SEC24A: variants seen among roughly 807,000 people sequenced by gnomAD.
The protein encoded by SEC24A is protein transport protein Sec24A.
Under a neutral mutation model 129.4 loss-of-function variants are expected in SEC24A, and 93 were observed. That is an observed-to-expected ratio of 0.72 (90% CI 0.61 to 0.85). The LOEUF (loss-of-function observed/expected upper bound fraction) is 0.85. SEC24A is among the 40% of genes least tolerant of loss of function. SEC24A has a pLI of 0.00. For synonymous variants in SEC24A, 460 were observed against 467.3 expected (o/e 0.98, Z 0.20); for missense variants, 1,264 against 1,307.4 (o/e 0.97, Z 0.51).
intron 15 of SEC24A, among the ~76,000 whole-genome samples, chr5:134,703,315 T>C (rs1035941212): frequency 2.6e-5 from 4 of 152,072 alleles, no homozygotes; most frequent in Admixed American, 2.0e-4. Context: ...TCGCCCAGGC[T>C]GGAGTGCAGT....
At chr5:134,680,386 G>T (rs2150086696) in intron 8 of SEC24A, among the ~76,000 whole-genome samples, 1 of 152,298 alleles carries the variant, frequency 6.6e-6, no homozygotes, top group African/African-American at 2.4e-5. Context: ...AGGCTTGAGT[G>T]CAGTGGCACG....
rs575069265 is a variant in SEC24A at position 134,710,762 on chromosome 5, A to C, written c.2727+1874A>C. ...AAGGAAAACTCTGGTCTGGTGGAGT[A>C]GGCTTATTTATCCAGTGTCCAAAAT... is the stretch of plus-strand genomic sequence containing the variant. On this transcript the variant is annotated intron_variant, in intron 18 of 22. Transcript: ENST00000398844. 3.3e-5 allele frequency among the ~76,000 whole-genome samples: 5 copies of C among 152,278 alleles called. No individual in the cohort carries two copies. In the South Asian group the frequency reaches 1.0e-3, roughly 32 times the overall value.
intron 13 of SEC24A, 73 bp from the exon 14 acceptor site, chr5:134,697,053 G>A: frequency 1.2e-6 from 1 of 836,550 alleles, no homozygotes; most frequent in Non-Finnish European, 1.9e-6. Flanking sequence ...CATGATGTAT[G>A]TAGATGTGTA....
In SEC24A at chr5:134,718,130, A is replaced by C. The variant is rs1159299823; in HGVS notation, c.2927A>C (p.Glu976Ala). ...CCCCCCATTCTTCAGCTTTCAGTGGAGAAGCTGAGCAGAGATGGAGCTTTC... is the reference window on the plus strand; with the variant it reads ...CCCCCCATTCTTCAGCTTTCAGTGGCGAAGCTGAGCAGAGATGGAGCTTTC... The part of the protein sequence containing the change: ...PQPPILQLSV[E>A]KLSRDGAFLM... Residue 976 changes from glutamate to alanine, a missense_variant, in exon 20 of 23, where the codon GAG (glutamate) becomes GCG (alanine). Glu to Ala is a moderately radical substitution (Grantham distance 107, BLOSUM62 -1). Transcript: ENST00000398844. 2.5e-6 allele frequency: 4 copies of C among 1,614,116 alleles called. No individual in the cohort carries two copies. Among genetic ancestry groups the C allele is most frequent in the Non-Finnish European group, 3.4e-6 (4 of 1,179,984 alleles).
At chr5:134,693,320 A>G (rs1016536300) in intron 12 of SEC24A, 2 of 1,385,602 alleles carry the variant, frequency 1.4e-6, no homozygotes, top group African/African-American at 2.9e-5. Context: ...CTAGTTGGCA[A>G]AGTTACTGGA....
rs1750677130 is a variant in SEC24A at position 134,666,825 on chromosome 5, C to G, written c.568C>G (p.Pro190Ala). ...GTGAAAAACCAATGTTTCCATAGGT[C>G]CTTCTGTACCTCCCTTAGTGAATCC... ...SLQNSFIKSG[P>A]SVPPLVNPPL... The change falls in exon 3 of 23, where the codon CCT (proline) becomes GCT (alanine). Residue 190 changes from proline (P) to alanine (A), a missense_variant and splice_region_variant. By Grantham distance (27) the Pro-to-Ala change is conservative. Transcript: ENST00000398844. 1.9e-6 allele frequency: 3 copies of G among 1,613,902 alleles called. No homozygotes were observed. Among genetic ancestry groups the G allele is most frequent in the African/African-American group, 2.7e-5 (2 of 74,998 alleles).
chr5:134,673,150 G>A (rs1437782755), intron 4 of SEC24A, among the ~76,000 whole-genome samples: 1 of 148,324 alleles, frequency 6.7e-6, no homozygotes, highest in African/African-American at 2.5e-5. Context: ...CCAACTCCCT[G>A]GTTCAAGCGA....
chr5:134,667,036 G>C (rs1750686348), intron 3 of SEC24A, 40 bp downstream of exon 3: 1 of 1,484,254 alleles, frequency 6.7e-7, no homozygotes, highest in Admixed American at 2.4e-5. Context: ...CTCAAGTTTT[G>C]ACTTAGGGTA....
At chr5:134,724,292 T>C (rs574589029) in intron 22 of SEC24A, among the ~76,000 whole-genome samples, 71 of 152,310 alleles carry the variant, frequency 4.7e-4, no homozygotes, top group African/African-American at 1.6e-3. Context: ...TTTCCTGTTT[T>C]TTAAAGGCTG....
intron 2 of SEC24A, among the ~76,000 whole-genome samples, chr5:134,666,428 A>G (rs992001993): frequency 6.6e-6 from 1 of 152,142 alleles, no homozygotes; most frequent in African/African-American, 2.4e-5. Context: ...ATGGTTTCAC[A>G]TGCCTATAGT....
intron 16 of SEC24A, among the ~76,000 whole-genome samples, chr5:134,704,261 A>T (rs1330445434): frequency 6.6e-6 from 1 of 151,850 alleles, no homozygotes; most frequent in African/African-American, 2.4e-5. Flanking sequence ...GTAGAGATGG[A>T]GTTTTGCCAT....
At chr5:134,654,532 TAA>T in intron 1 of SEC24A, among the ~76,000 whole-genome samples, 1 of 151,916 alleles carries the variant, frequency 6.6e-6, no homozygotes, top group African/African-American at 2.4e-5. Context: ...GAGGTTTTTC[TAA>T]GTCTTTGTGT....
At chr5:134,724,634 C>T (rs1752716581) in intron 22 of SEC24A, among the ~76,000 whole-genome samples, 1 of 151,344 alleles carries the variant, frequency 6.6e-6, no homozygotes, top group Non-Finnish European at 1.5e-5. Context: ...ATATATATAC[C>T]ACATTTGAAA....
chr5:134,698,358 C>T (rs548829166), intron 15 of SEC24A, among the ~76,000 whole-genome samples: 45 of 152,158 alleles, frequency 3.0e-4, no homozygotes, highest in African/African-American at 9.6e-4. Context: ...AATTCCAGCA[C>T]TTTGGGAGGC....
chr5:134,689,151 C>T (rs1751549320), intron 11 of SEC24A, among the ~76,000 whole-genome samples: 2 of 152,256 alleles, frequency 1.3e-5, no homozygotes, highest in South Asian at 4.1e-4. Context: ...AACTTAAGAG[C>T]TATAAGTATA....
rs546086054 is a variant in SEC24A at position 134,678,817 on chromosome 5, C to T, written c.1255-785C>T. On this transcript the variant is annotated intron_variant, in intron 7 of 22. Coordinates refer to ENST00000398844, the MANE Select transcript of SEC24A (RefSeq NM_021982.3). ...GGCTGGTCTTGAACTCCTGACCTCGCGTTCCACCCGCCTTGGCCTCCCAAA... is the reference window on the plus strand; with the variant it reads ...GGCTGGTCTTGAACTCCTGACCTCGTGTTCCACCCGCCTTGGCCTCCCAAA... Among the ~76,000 whole-genome samples, 25 of 152,190 alleles carry T rather than the reference C, an allele frequency of 1.6e-4. No homozygotes were observed. In the East Asian group the frequency reaches 2.9e-3, roughly 18 times the overall value.
chr5:134,705,584 TGC>T, intron 17 of SEC24A, 147 bp downstream of exon 17: 1 of 539,378 alleles, frequency 1.9e-6, no homozygotes, highest in Non-Finnish European at 3.3e-6. Flanking sequence ...TGAAAAGATC[TGC>T]TGCAGATAAT....
chr5:134,664,722 CT>C (rs1489827409), intron 2 of SEC24A, among the ~76,000 whole-genome samples: 1 of 149,408 alleles, frequency 6.7e-6, no homozygotes, highest in Non-Finnish European at 1.5e-5. Flanking sequence ...TTTGTCTTCA[CT>C]TTTGTCAACA....
intron 2 of SEC24A, 47 bp from the exon 3 acceptor site, chr5:134,666,776 T>C: frequency 6.5e-7 from 1 of 1,544,234 alleles, no homozygotes; most frequent in Non-Finnish European, 8.9e-7. Context: ...ATTTTGGCCA[T>C]AGTCTTGAGT....
Sources: gnomAD v4.1 joint callset for allele counts (sites outside exome capture counted in the v4.1 genomes callset) on GRCh38, gnomAD v4.1.1 for gene constraint, MANE v1.5 for transcripts, NCBI Gene and HGNC (gene_info 2026-07-23, HGNC 2026-07-21) for gene names.